Variants in MUSK observed in about 807,000 individuals in gnomAD.
The protein encoded by MUSK is muscle, skeletal receptor tyrosine-protein kinase.
In MUSK, 55 loss-of-function variants were observed where a neutral mutation model predicts 88.7. The ratio of observed to expected loss-of-function variants is 0.62; its 90% CI spans 0.50 to 0.78. The LOEUF is 0.78. Among genes scored for constraint, MUSK ranks in the 30% least tolerant of loss-of-function variants. The probability of loss-of-function intolerance (pLI) is 0.00; values close to 1 mark genes in which losing one functional copy is unlikely to be tolerated. For missense variants in MUSK, 1,015 were observed against 1,074.3 expected, an observed-to-expected ratio of 0.94 and a Z score of 0.77; for synonymous variants, 387 against 391.9, an observed-to-expected ratio of 0.99 and a Z score of 0.15.
intron 1 of MUSK, among the ~76,000 whole-genome samples, chr9:110,677,577 T>C (rs2076047829): frequency 6.6e-6 from 1 of 152,226 alleles, no homozygotes; most frequent in Non-Finnish European, 1.5e-5. Flanking sequence ...TGTTTTCTTC[T>C]AATTGGCTTA....
At chr9:110,683,411 A>G (rs1331852625) in intron 2 of MUSK, among the ~76,000 whole-genome samples, 1 of 152,030 alleles carries the variant, frequency 6.6e-6, no homozygotes, top group Non-Finnish European at 1.5e-5. Flanking sequence ...TTCAAATCTT[A>G]GTTACTGAAA....
At chr9:110,748,078 T>A (rs969490510) in intron 7 of MUSK, 2 of 566,190 alleles carry the variant, frequency 3.5e-6, no homozygotes, top group Non-Finnish European at 3.3e-6. Context: ...TCTTATCTTT[T>A]TTCCTTTTCT....
chr9:110,704,795 C>G (rs756678520), intron 5 of MUSK, among the ~76,000 whole-genome samples: 1 of 151,794 alleles, frequency 6.6e-6, no homozygotes, highest in Non-Finnish European at 1.5e-5. Context: ...ACCAGCCTGG[C>G]CAACATGGTG....
chr9:110,718,453 T>G (rs139726093), intron 5 of MUSK, among the ~76,000 whole-genome samples: 186 of 151,916 alleles, frequency 1.2e-3, no homozygotes, highest in African/African-American at 4.1e-3. Context: ...AAAGTCTCAG[T>G]AACAGAATCA....
chr9:110,805,836 A>C lies in MUSK; in HGVS notation c.*4848A>C, dbSNP rs1158224915. On this transcript the variant is annotated 3_prime_UTR_variant, in exon 15 of 15. Transcript: ENST00000374448. Reference sequence around the variant, plus strand: ...AATTAATTTACATATATTTGCATCAATATTAAGTTCATAAAATTAAAAGTT... The same window carrying C: ...AATTAATTTACATATATTTGCATCACTATTAAGTTCATAAAATTAAAAGTT... 2.4e-5 allele frequency among the ~76,000 whole-genome samples: 1 copy of C among 42,136 alleles called. No individual in the cohort carries two copies. Among genetic ancestry groups the C allele is most frequent in the Non-Finnish European group, 4.6e-5 (1 of 21,948 alleles). The allele number at this position is 42,136 out of a possible 152,430, so 27.6% of individuals were successfully genotyped here.
chr9:110,695,518 C>G lies in MUSK; in HGVS notation c.474C>G (p.Asp158Glu), dbSNP rs973667318. ...PKPSVSWIKG[D>E]SPLRENSRIA... ...CATCAGTGTCTTGGATAAAGGGAGACAGCCCTCTCAGGGTAAGTGGTTATG... is the reference window on the plus strand; with the variant it reads ...CATCAGTGTCTTGGATAAAGGGAGAGAGCCCTCTCAGGGTAAGTGGTTATG... The change falls in exon 4 of 15, where the codon GAC becomes GAG. Residue 158 changes from aspartate (D) to glutamate (E), a missense_variant. Physicochemically the swap from Asp to Glu is conservative, Grantham distance 45. Coordinates refer to ENST00000374448, the MANE Select transcript of MUSK (RefSeq NM_005592.4). 5.8e-6 allele frequency: 9 copies of G among 1,561,394 alleles called. No individual in the cohort carries two copies. The highest frequency in any genetic ancestry group is 7.8e-6 in the Non-Finnish European group (9 of 1,151,084).
At chr9:110,765,693 C>A (rs1041975867) in intron 8 of MUSK, among the ~76,000 whole-genome samples, 1 of 152,062 alleles carries the variant, frequency 6.6e-6, no homozygotes. Flanking sequence ...CCTGCCTCAG[C>A]CCCTCGAGTA....
chr9:110,694,443 C>T (rs2076405266), intron 3 of MUSK, among the ~76,000 whole-genome samples: 2 of 149,174 alleles, frequency 1.3e-5, no homozygotes, highest in East Asian at 2.0e-4. Context: ...GAAGGCTTTG[C>T]AAGTATCTCT....
intron 5 of MUSK, among the ~76,000 whole-genome samples, chr9:110,712,765 C>A (rs533850390): frequency 2.2e-4 from 34 of 152,310 alleles, no homozygotes; most frequent in African/African-American, 2.9e-4. Context: ...GCTTCAAATT[C>A]ATCCATTTGT....
At chr9:110,759,982 G>T (rs948420252) in intron 7 of MUSK, among the ~76,000 whole-genome samples, 1 of 152,098 alleles carries the variant, frequency 6.6e-6, no homozygotes, top group African/African-American at 2.4e-5. Context: ...GCTGCAGTGA[G>T]CCAAGATCAC....
intron 14 of MUSK, 199 bp downstream of exon 14, chr9:110,788,037 C>A (rs2077905301): frequency 1.7e-6 from 1 of 590,800 alleles, no homozygotes; most frequent in Non-Finnish European, 3.0e-6. Context: ...TCTTTAAATT[C>A]ATCACTTCAA....
At chr9:110,738,203 T>A (rs1422518258) in intron 6 of MUSK, among the ~76,000 whole-genome samples, 1 of 152,184 alleles carries the variant, frequency 6.6e-6, no homozygotes, top group Non-Finnish European at 1.5e-5. Context: ...GCTGGAAATA[T>A]CTGATCCTTT....
At chr9:110,689,170 T>C (rs1241859453) in intron 3 of MUSK, among the ~76,000 whole-genome samples, 1 of 80,296 alleles carries the variant, frequency 1.2e-5, no homozygotes, top group Non-Finnish European at 2.2e-5. Flanking sequence ...ATAAATAAAC[T>C]ATATATTTAT....
At chr9:110,696,712 T>G (rs2076434446) in intron 4 of MUSK, among the ~76,000 whole-genome samples, 1 of 152,088 alleles carries the variant, frequency 6.6e-6, no homozygotes. Context: ...GTGTGAAATT[T>G]TCTAGTATTT....
Position 110,801,073 on chromosome 9 carries a change from C to A in MUSK, c.*85C>A. 8.4e-7 allele frequency: 1 copy of A among 1,197,106 alleles called. No homozygotes were observed. Among genetic ancestry groups the A allele is most frequent in the South Asian group, 1.9e-5 (1 of 54,042 alleles). 74.2% of individuals were successfully genotyped at this position (1,197,106 alleles called of 1,614,324 possible). A position where few individuals can be genotyped will look rare whatever the true frequency, so the allele number is the denominator to read the frequency against. On this transcript the variant is annotated 3_prime_UTR_variant, in exon 15 of 15. Coordinates refer to ENST00000374448, the MANE Select transcript of MUSK (RefSeq NM_005592.4). Reference sequence around the variant, plus strand: ...ATCCTACACCAGAGGCCCAACAAGACCCACATAGGAAAGAGTAAGAGTAAA... The same window carrying A: ...ATCCTACACCAGAGGCCCAACAAGAACCACATAGGAAAGAGTAAGAGTAAA...
chr9:110,742,301 A>G (rs2131861023), intron 6 of MUSK, among the ~76,000 whole-genome samples: 1 of 152,222 alleles, frequency 6.6e-6, no homozygotes, highest in South Asian at 2.1e-4. Flanking sequence ...TAAAAATACA[A>G]AAAATTTAGT....
At chr9:110,734,178 C>G in intron 5 of MUSK, 73 bp from the exon 6 acceptor site, 2 of 1,504,352 alleles carry the variant, frequency 1.3e-6, no homozygotes, top group South Asian at 2.5e-5. Flanking sequence ...GTCTAATTTG[C>G]ATTTCTAAAA....
intron 5 of MUSK, among the ~76,000 whole-genome samples, chr9:110,709,923 T>C (rs1473167523): frequency 2.0e-5 from 3 of 152,214 alleles, no homozygotes; most frequent in Middle Eastern, 6.8e-3. Context: ...GGCAGGAGGA[T>C]TGCTTGAGGC....
At chr9:110,782,505 T>C (rs1039388081) in intron 11 of MUSK, among the ~76,000 whole-genome samples, 1 of 152,224 alleles carries the variant, frequency 6.6e-6, no homozygotes, top group Non-Finnish European at 1.5e-5. Flanking sequence ...TGATTCTTTT[T>C]AGAAAAACTA....
Sources: gnomAD v4.1 joint callset for allele counts (sites outside exome capture counted in the v4.1 genomes callset) on GRCh38, gnomAD v4.1.1 for gene constraint, MANE v1.5 for transcripts, NCBI Gene and HGNC (gene_info 2026-07-23, HGNC 2026-07-21) for gene names.